The following CHODL variants were observed in gnomAD, a reference collection of about 807,000 sequenced individuals.
The protein encoded by CHODL is transmembrane protein MT75.
A neutral mutation model predicts 34.5 loss-of-function variants in CHODL; 29 were observed. That is an observed-to-expected ratio of 0.84 (90% CI 0.63 to 1.15). CHODL has a LOEUF of 1.15. Ranked by LOEUF, CHODL falls within the 50% of genes most tolerant of loss-of-function variation. The probability of loss-of-function intolerance (pLI) is 0.00; values close to 1 mark genes in which losing one functional copy is unlikely to be tolerated. For synonymous variants in CHODL, 125 were observed against 116.1 expected, an observed-to-expected ratio of 1.08 and a Z score of -0.49; for missense variants, 332 against 332.5, an observed-to-expected ratio of 1.00 and a Z score of 0.01.
chr21:18,085,882 T>A (rs1416865728), intron 2 of CHODL, among the ~76,000 whole-genome samples: 1 of 152,126 alleles, frequency 6.6e-6, no homozygotes, highest in Non-Finnish European at 1.5e-5. Context: ...GCCTTCTATG[T>A]CTGGATTTCT....
At chr21:18,184,996 G>C (rs1054263855) in intron 2 of CHODL, among the ~76,000 whole-genome samples, 3 of 152,030 alleles carry the variant, frequency 2.0e-5, no homozygotes, top group South Asian at 2.1e-4. Context: ...GCAACAACTT[G>C]TCTCTCTCTT....
At chr21:18,096,122 A>C (rs1031929926) in intron 2 of CHODL, among the ~76,000 whole-genome samples, 11 of 152,148 alleles carry the variant, frequency 7.2e-5, no homozygotes, top group Non-Finnish European at 1.3e-4. Flanking sequence ...CTGAACATAA[A>C]TTGTGAAGAT....
At chr21:18,027,607 C>A (rs567539096) in intron 1 of CHODL, among the ~76,000 whole-genome samples, 7 of 152,214 alleles carry the variant, frequency 4.6e-5, no homozygotes, top group Admixed American at 6.5e-5. Context: ...TAATATTAAG[C>A]ACTTCTCTGT....
chr21:18,207,130 C>T (rs1032205922), intron 2 of CHODL, among the ~76,000 whole-genome samples: 3 of 152,174 alleles, frequency 2.0e-5, no homozygotes, highest in East Asian at 1.9e-4. Flanking sequence ...TGAGAACATG[C>T]CGTGTTTGGT....
intron 2 of CHODL, among the ~76,000 whole-genome samples, chr21:18,138,639 A>G (rs1356000283): frequency 1.3e-5 from 2 of 152,206 alleles, no homozygotes; most frequent in Non-Finnish European, 2.9e-5. Flanking sequence ...CACGGATTGT[A>G]AAGTGAGAAC....
chr21:18,091,052 C>A (rs1365836307), intron 2 of CHODL, among the ~76,000 whole-genome samples: 3 of 152,228 alleles, frequency 2.0e-5, no homozygotes, highest in Admixed American at 2.0e-4. Context: ...AGGGAAAGCA[C>A]AGCACCTGGG....
intron 1 of CHODL, among the ~76,000 whole-genome samples, chr21:17,992,715 GTT>G (rs2063807729): frequency 9.5e-5 from 3 of 31,506 alleles, no homozygotes; most frequent in Non-Finnish European, 2.2e-4. Context: ...TTCTGGTGGA[GTT>G]GTTTTTTTTT....
chr21:17,983,362 G>C (rs1321423627), intron 1 of CHODL, among the ~76,000 whole-genome samples: 1 of 152,102 alleles, frequency 6.6e-6, no homozygotes, highest in Admixed American at 6.5e-5. Context: ...CATACATCTT[G>C]TGACCTTGGT....
intron 1 of CHODL, among the ~76,000 whole-genome samples, chr21:17,953,826 A>G (rs1039792875): frequency 1.2e-4 from 19 of 152,158 alleles, no homozygotes; most frequent in African/African-American, 4.3e-4. Flanking sequence ...CCTGACCAAC[A>G]TGGTGAAACC....
chr21:18,172,980 T>C (rs190506864), intron 2 of CHODL, among the ~76,000 whole-genome samples: 1 of 152,310 alleles, frequency 6.6e-6, no homozygotes, highest in East Asian at 1.9e-4. Context: ...ATTCAGTTCC[T>C]TGCAGTTTTA....
chr21:18,040,444 A>G (rs2064361446), intron 2 of CHODL, among the ~76,000 whole-genome samples: 1 of 151,882 alleles, frequency 6.6e-6, no homozygotes, highest in Non-Finnish European at 1.5e-5. Flanking sequence ...GCTTTAATGA[A>G]AAGTGATTAC....
At chr21:18,245,965 A>G in intron 1 of CHODL, 3 of 1,532,180 alleles carry the variant, frequency 2.0e-6, no homozygotes, top group Admixed American at 3.9e-5. Flanking sequence ...CAGGTTCGGC[A>G]CACAGTAGGT....
At chr21:17,957,252 C>A (rs2063499729) in intron 1 of CHODL, among the ~76,000 whole-genome samples, 1 of 152,194 alleles carries the variant, frequency 6.6e-6, no homozygotes, top group East Asian at 1.9e-4. Flanking sequence ...AGGCCACAAC[C>A]GTGTCTCATA....
chr21:18,046,592 C>A (rs1369830533), intron 2 of CHODL, among the ~76,000 whole-genome samples: 1 of 151,798 alleles, frequency 6.6e-6, no homozygotes, highest in Non-Finnish European at 1.5e-5. Flanking sequence ...GGAACAGGTA[C>A]CCACTGTTGA....
intron 2 of CHODL, among the ~76,000 whole-genome samples, chr21:18,135,178 T>A (rs1247705706): frequency 6.6e-6 from 1 of 152,198 alleles, no homozygotes; most frequent in African/African-American, 2.4e-5. Flanking sequence ...TTTATTATTA[T>A]ATACGAGGAA....
rs538485151 is a variant in CHODL, at chr21:18,045,919, C to T, written c.-45+17948C>T. On this transcript the variant is annotated intron_variant, in intron 2 of 6. Transcript: ENST00000400127. ...GAGAAGGCCATCACCAGACACTGAA[C>T]CTGCCAGTGCTTTCATCTTGAACTT... Among the ~76,000 whole-genome samples the T allele has an allele frequency of 3.3e-5, 5 of 152,054 alleles. No individual in the cohort carries two copies. The East Asian group carries it at 9.8e-4, about 30-fold the overall frequency.
chr21:17,938,267 A>G (rs2063332806), intron 1 of CHODL, among the ~76,000 whole-genome samples: 1 of 151,996 alleles, frequency 6.6e-6, no homozygotes. Flanking sequence ...TTAAATGTTA[A>G]TGATGATTGC....
intron 1 of CHODL, among the ~76,000 whole-genome samples, 183 bp downstream of exon 1, chr21:18,245,485 G>C (rs140360243): frequency 6.6e-6 from 1 of 152,194 alleles, no homozygotes; most frequent in Non-Finnish European, 1.5e-5. Flanking sequence ...TAACACACAC[G>C]CAGAAAAGTT....
intron 2 of CHODL, among the ~76,000 whole-genome samples, chr21:18,166,267 G>T (rs189459396): frequency 2.0e-5 from 3 of 152,092 alleles, no homozygotes; most frequent in African/African-American, 7.2e-5. Flanking sequence ...ACCCTCTTAC[G>T]CTTCAAATGT....
Sources: allele counts gnomAD v4.1 joint callset (sites outside exome capture counted in the v4.1 genomes callset), GRCh38; gene constraint gnomAD v4.1.1; transcripts MANE v1.5; gene names NCBI Gene and HGNC (gene_info 2026-07-23, HGNC 2026-07-21).